The following CAMK2D variants were observed in gnomAD, a reference collection of about 807,000 sequenced individuals.
The protein encoded by CAMK2D is calcium/calmodulin-dependent protein kinase type II subunit delta.
A neutral mutation model predicts 84.0 loss-of-function variants in CAMK2D; 37 were observed. The ratio of observed to expected loss-of-function variants is 0.44; its 90% CI spans 0.34 to 0.58. CAMK2D has a LOEUF of 0.58. Ranked by LOEUF, CAMK2D falls within the 20% of genes least tolerant of loss-of-function variation. CAMK2D has a pLI of 0.02. For missense variants in CAMK2D, 448 were observed against 652.5 expected, an observed-to-expected ratio of 0.69 and a Z score of 3.41; for synonymous variants, 202 against 212.5, an observed-to-expected ratio of 0.95 and a Z score of 0.43.
intron 3 of CAMK2D, among the ~76,000 whole-genome samples, chr4:113,626,039 G>A (rs2099066892): frequency 6.6e-6 from 1 of 151,426 alleles, no homozygotes; most frequent in African/African-American, 2.4e-5. Context: ...TCAGGTAAAA[G>A]ATAACAGAGT....
intron 3 of CAMK2D, among the ~76,000 whole-genome samples, chr4:113,642,944 T>A (rs1308399990): frequency 6.6e-6 from 1 of 152,146 alleles, no homozygotes; most frequent in African/African-American, 2.4e-5. Context: ...GAGACCATGC[T>A]AAACTATATC....
At chr4:113,659,344 C>T (rs76557012) in intron 3 of CAMK2D, among the ~76,000 whole-genome samples, 9,583 of 152,294 alleles carry the variant, frequency 0.063, 539 homozygotes, top group East Asian at 0.22. Flanking sequence ...TGCGTAATTT[C>T]TCTTTAGCCA....
Position 113,462,334 on chromosome 4 carries a change from G to GTCTATCTATCTATCTA in CAMK2D, c.1212-2094_1212-2093insTAGATAGATAGATAGA, listed in dbSNP as rs1164998007. Among the ~76,000 whole-genome samples the GTCTATCTATCTATCTA allele has an allele frequency of 8.0e-3, 1,039 of 129,468 alleles. 7 individuals carry two copies. The highest frequency in any genetic ancestry group is 0.017 in the African/African-American group (547 of 32,680). The allele number at this position is 129,468 out of a possible 152,430, so 84.9% of individuals were successfully genotyped here. ...TGTCTGTCTGTCTGTCTGTCTGTCT[G>GTCTATCTATCTATCTA]TCTGTCTATCTATCTATCTATCTAT... On this transcript the variant is annotated intron_variant, in intron 17 of 20. Transcript: ENST00000511664.
chr4:113,594,687 C>T (rs948713991), intron 4 of CAMK2D, among the ~76,000 whole-genome samples: 1 of 152,120 alleles, frequency 6.6e-6, no homozygotes, highest in Admixed American at 6.5e-5. Flanking sequence ...AGAAAAGAAT[C>T]TCTAAGCCTG....
intron 3 of CAMK2D, among the ~76,000 whole-genome samples, chr4:113,659,866 T>G (rs2099220950): frequency 6.6e-6 from 1 of 152,216 alleles, no homozygotes; most frequent in Non-Finnish European, 1.5e-5. Context: ...TTTAATCAGC[T>G]GGCAGTATGT....
chr4:113,646,427 G>A (rs1476871796), intron 3 of CAMK2D, among the ~76,000 whole-genome samples: 1 of 152,200 alleles, frequency 6.6e-6, no homozygotes, highest in Non-Finnish European at 1.5e-5. Context: ...CTTGTTAAGT[G>A]CATCAGAGAT....
intron 3 of CAMK2D, among the ~76,000 whole-genome samples, chr4:113,631,297 G>A (rs2099088709): frequency 6.6e-6 from 1 of 152,114 alleles, no homozygotes; most frequent in African/African-American, 2.4e-5. Flanking sequence ...AGGACCACTT[G>A]AGCCCAGGAG....
At chr4:113,456,535 G>A (rs2097306053) in intron 19 of CAMK2D, 1 of 151,972 alleles carries the variant, frequency 6.6e-6, no homozygotes, top group Non-Finnish European at 1.5e-5. Context: ...TGCTTTTTCA[G>A]TCTATGTCTC....
intron 10 of CAMK2D, 86 bp downstream of exon 10, chr4:113,514,983 A>T (rs2098266198): frequency 2.5e-6 from 3 of 1,219,002 alleles, no homozygotes; most frequent in Non-Finnish European, 2.4e-6. Context: ...TTTTTTTGCA[A>T]AGCTATTTTA....
At chr4:113,521,058 T>C (rs2098351479) in intron 8 of CAMK2D, among the ~76,000 whole-genome samples, 1 of 152,170 alleles carries the variant, frequency 6.6e-6, no homozygotes, top group African/African-American at 2.4e-5. Flanking sequence ...ACTCTAATTA[T>C]ATCATGCTTT....
chr4:113,672,529 T>C lies in CAMK2D; in HGVS notation c.161-10757A>G, dbSNP rs115510377. Among the ~76,000 whole-genome samples, 1,194 of 152,224 alleles carry C rather than the reference T, an allele frequency of 7.8e-3. 16 individuals carry two copies. The highest frequency in any genetic ancestry group is 0.028 in the African/African-American group (1,147 of 41,554). On this transcript the variant is annotated intron_variant, in intron 2 of 20. Transcript: ENST00000511664. ...AAGTAAGATGTTTCGGTTTAAGTACTTGCAAACTAATAATTAAACTAGCAA... is the reference window on the plus strand; with the variant it reads ...AAGTAAGATGTTTCGGTTTAAGTACCTGCAAACTAATAATTAAACTAGCAA...
intron 8 of CAMK2D, among the ~76,000 whole-genome samples, chr4:113,519,391 G>A (rs759928387): frequency 1.1e-4 from 17 of 152,138 alleles, no homozygotes; most frequent in Non-Finnish European, 2.2e-4. Flanking sequence ...CATGAGAAAA[G>A]CAGGCAATAT....
rs1290502087 is a variant in CAMK2D at position 113,462,294 on chromosome 4, GTCTGTCTGTCTGTC to G, written c.1212-2067_1212-2054del. On this transcript the variant is annotated intron_variant, in intron 17 of 20. Coordinates refer to ENST00000511664, the MANE Select transcript of CAMK2D (RefSeq NM_001321571.2). ...TGTGTGTGTGTGTGTGTGTGTGTGT[GTCTGTCTGTCTGTC>G]TGTCTGTCTGTCTGTCTGTCTGTCT... Among the ~76,000 whole-genome samples, 837 of 129,284 alleles carry G rather than the reference GTCTGTCTGTCTGTC, an allele frequency of 6.5e-3. 12 individuals carry two copies. Among genetic ancestry groups the G allele is most frequent in the Middle Eastern group, 0.021 (5 of 242 alleles). 84.8% of individuals were successfully genotyped at this position (129,284 alleles called of 152,430 possible).
Position 113,455,223 on chromosome 4 carries a change from T to C in CAMK2D, c.*29+503A>G, listed in dbSNP as rs72677100. Among the ~76,000 whole-genome samples, 574 of 152,234 alleles carry C rather than the reference T, an allele frequency of 3.8e-3. 6 individuals are homozygous for C. The highest frequency in any genetic ancestry group is 0.022 in the South Asian group (105 of 4,822). Reference sequence around the variant, plus strand: ...CCTCTGGAATTACCCATTTTGTGAGTTTTAAATTTCAGCTTGACTTCCTCC... The same window carrying C: ...CCTCTGGAATTACCCATTTTGTGAGCTTTAAATTTCAGCTTGACTTCCTCC... On this transcript the variant is annotated intron_variant, in intron 20 of 20. Transcript: ENST00000511664.
intron 2 of CAMK2D, among the ~76,000 whole-genome samples, chr4:113,687,475 T>C (rs1020302361): frequency 2.6e-5 from 4 of 152,168 alleles, no homozygotes; most frequent in African/African-American, 9.7e-5. Context: ...ACAACCTAAA[T>C]ATCTGTTAGG....
chr4:113,629,016 A>G (rs985939046), intron 3 of CAMK2D, among the ~76,000 whole-genome samples: 1 of 152,062 alleles, frequency 6.6e-6, no homozygotes, highest in Non-Finnish European at 1.5e-5. Context: ...CTAGAATTGA[A>G]CAAAATACCT....
chr4:113,557,321 C>T (rs1044653200), intron 4 of CAMK2D, among the ~76,000 whole-genome samples: 8 of 152,210 alleles, frequency 5.3e-5, no homozygotes, highest in Non-Finnish European at 1.0e-4. Context: ...CAGGCCAACT[C>T]CTGATATGAC....
intron 2 of CAMK2D, among the ~76,000 whole-genome samples, chr4:113,719,495 T>C (rs2099523791): frequency 6.6e-6 from 1 of 152,226 alleles, no homozygotes; most frequent in South Asian, 2.1e-4. Context: ...ACTCAATTCG[T>C]GAATTGCTAT....
At chr4:113,561,238 G>T (rs756437589) in intron 4 of CAMK2D, among the ~76,000 whole-genome samples, 21 of 152,132 alleles carry the variant, frequency 1.4e-4, no homozygotes, top group Admixed American at 5.9e-4. Context: ...TCAGCATTTT[G>T]GGAGGCCAAG....
Sources: gnomAD v4.1 joint callset for allele counts (sites outside exome capture counted in the v4.1 genomes callset) on GRCh38, gnomAD v4.1.1 for gene constraint, MANE v1.5 for transcripts, NCBI Gene and HGNC (gene_info 2026-07-23, HGNC 2026-07-21) for gene names.